Variants in HELB observed in about 807,000 individuals in gnomAD.
The protein encoded by HELB is DNA helicase B.
HELB carries 96 observed loss-of-function variants against 101.7 expected under a neutral mutation model. The ratio of observed to expected loss-of-function variants is 0.94; its 90% confidence interval spans 0.80 to 1.12. The LOEUF is 1.12. Ranked by LOEUF, HELB falls within the 50% of genes most tolerant of loss-of-function variation. The pLI, the probability that HELB is intolerant of heterozygous loss-of-function variation, is 0.00. For missense variants in HELB, 1,210 were observed against 1,291.9 expected (o/e 0.94, Z 0.97); for synonymous variants, 437 against 459.7 (o/e 0.95, Z 0.63).
At chr12:66,336,879 T>C (rs2053871562) in intron 12 of HELB, among the ~76,000 whole-genome samples, 1 of 152,192 alleles carries the variant, frequency 6.6e-6, no homozygotes, top group Non-Finnish European at 1.5e-5. Context: ...TTGAAATTTA[T>C]GATGGTGATA....
intron 7 of HELB, chr12:66,321,336 G>A (rs1226025181): frequency 6.6e-6 from 1 of 152,310 alleles, no homozygotes; most frequent in African/African-American, 2.4e-5. Flanking sequence ...TAGATCATGG[G>A]GAGGTCTGGG....
chr12:66,327,066 A>AAAT (rs2053749764), intron 11 of HELB, among the ~76,000 whole-genome samples: 22 of 46,790 alleles, frequency 4.7e-4, no homozygotes, highest in Admixed American at 7.8e-4. Context: ...AAAAAAAAAA[A>AAAT]ATATATATAT....
At chr12:66,303,183 A>G (rs976510611) in intron 1 of HELB, among the ~76,000 whole-genome samples, 1 of 151,310 alleles carries the variant, frequency 6.6e-6, no homozygotes. Context: ...GCTTAAGGAA[A>G]CAGTGGATGT....
At position 66,334,524 on chromosome 12, in the gene HELB, T is replaced by C. The variant is rs531659077; in HGVS notation, c.3162+2879T>C. ...GCACAGTGGCTCACACCTGTAATCC[T>C]AGCTCTTTGGGAGGCCAAGGTGGGC... is the stretch of plus-strand genomic sequence containing the variant. On this transcript the variant is annotated intron_variant, in intron 12 of 12. Transcript: ENST00000247815. Among the ~76,000 whole-genome samples, 936 of 147,000 alleles carry C rather than the reference T, an allele frequency of 6.4e-3. 17 individuals carry two copies. The highest frequency in any genetic ancestry group is 0.023 in the African/African-American group (905 of 39,812).
rs762298939 is a variant in HELB at position 66,322,794 on chromosome 12, T to A, written c.2297+11T>A. On this transcript the variant is annotated intron_variant, in intron 9 of 12. Transcript: ENST00000247815. ...AGGCCACCTCACCAAGTGAGTGTCTTCGAGAACTGAAACTTTTAAGGACAG... is the reference window on the plus strand; with the variant it reads ...AGGCCACCTCACCAAGTGAGTGTCTACGAGAACTGAAACTTTTAAGGACAG... The A allele has an allele frequency of 1.9e-6, 3 of 1,583,834 alleles. No homozygotes were observed. Among genetic ancestry groups the A allele is most frequent in the Non-Finnish European group, 2.6e-6 (3 of 1,159,140 alleles).
chr12:66,327,900 G>A (rs777528527), intron 11 of HELB, among the ~76,000 whole-genome samples: 5 of 152,152 alleles, frequency 3.3e-5, no homozygotes, highest in Admixed American at 1.3e-4. Flanking sequence ...ATAGAATGTC[G>A]ATATAAGCCT....
At chr12:66,330,547 GTATC>G (rs926738769) in intron 11 of HELB, among the ~76,000 whole-genome samples, 11 of 149,324 alleles carry the variant, frequency 7.4e-5, no homozygotes, top group African/African-American at 2.0e-4. Flanking sequence ...ATGTGTGTGT[GTATC>G]TATCTATCTG....
At chr12:66,326,516 C>T (rs2053739463) in intron 11 of HELB, among the ~76,000 whole-genome samples, 2 of 151,924 alleles carry the variant, frequency 1.3e-5, no homozygotes, top group African/African-American at 4.8e-5. Flanking sequence ...GCTGGGATTA[C>T]AGGCCTGAGC....
chr12:66,311,221 G>A (rs2053541355), intron 4 of HELB, among the ~76,000 whole-genome samples: 1 of 151,966 alleles, frequency 6.6e-6, no homozygotes. Context: ...AGCACTTTGG[G>A]AGGCCAAGGT....
rs1333406573 is a variant in HELB at position 66,310,492 on chromosome 12, G to A, written c.1564G>A (p.Glu522Lys). The stretch of plus-strand genomic sequence containing the variant: ...TTCAGAAGAATGGATTACCTTTACT[G>A]AGCAAAGTCAACTAGAGGCGGACAA... ...NASEEWITFT[E>K]QSQLEADKAI... is the part of the protein sequence containing the mutation. Residue 522 changes from glutamate to lysine, a missense_variant, in exon 4 of 13, where the codon GAG becomes AAG. By Grantham distance (56) the Glu-to-Lys change is moderately conservative (BLOSUM62 1). Around this residue, in one of 2 missense-constraint regions of HELB, gnomAD observed 740 missense variants for 728.8 expected, o/e 1.02. Transcript: ENST00000247815. 2 of 1,613,946 alleles carry A rather than the reference G, an allele frequency of 1.2e-6. No homozygotes were observed. The highest frequency in any genetic ancestry group is 1.1e-5 in the South Asian group (1 of 91,078).
intron 4 of HELB, among the ~76,000 whole-genome samples, chr12:66,311,230 G>A (rs757454958): frequency 4.2e-4 from 64 of 151,964 alleles, no homozygotes; most frequent in Non-Finnish European, 1.6e-4. Flanking sequence ...GGAGGCCAAG[G>A]TGGGAGGATC....
intron 11 of HELB, among the ~76,000 whole-genome samples, chr12:66,326,301 GGC>G (rs1395899923): frequency 1.3e-5 from 2 of 151,806 alleles, no homozygotes; most frequent in Non-Finnish European, 2.9e-5. Context: ...GGAGTGCAGT[GGC>G]GCGATCTTGG....
chr12:66,318,593 T>C, intron 6 of HELB, 45 bp from the exon 7 acceptor site: 1 of 1,539,076 alleles, frequency 6.5e-7, no homozygotes, highest in Non-Finnish European at 8.7e-7. Context: ...GAAGACATTT[T>C]TGGATGATAA....
At chr12:66,318,828 A>G (rs375594983) in intron 7 of HELB, 36 bp downstream of exon 7, 40 of 1,500,986 alleles carry the variant, frequency 2.7e-5, no homozygotes, top group Non-Finnish European at 3.6e-5. Context: ...AGAGTTAAGT[A>G]TAACTATTTA....
chr12:66,324,851 C>A, intron 10 of HELB, 132 bp from the exon 11 acceptor site: 1 of 1,075,740 alleles, frequency 9.3e-7, no homozygotes, highest in South Asian at 1.4e-5. Context: ...AAATTTTAAG[C>A]CTTTTGAAAT....
At position 66,315,289 on chromosome 12, in the gene HELB, G is replaced by A. The variant is rs769466347; in HGVS notation, c.1906G>A (p.Asp636Asn). The change falls in exon 6 of 13, where the codon GAT (aspartate) becomes AAT (asparagine). Residue 636 changes from aspartate (D) to asparagine (N), a missense_variant. Coordinates refer to ENST00000247815, the MANE Select transcript of HELB (RefSeq NM_001370285.1). Reference protein sequence around the residue: ...PSIEPGNLLKDLFETLKSRNC... With the variant: ...PSIEPGNLLKNLFETLKSRNC... Reference sequence around the variant, plus strand: ...TATTGAACCTGGTAACTTGCTGAAAGATCTTTTTGAGACTCTTAAGTCAAG... The same window carrying A: ...TATTGAACCTGGTAACTTGCTGAAAAATCTTTTTGAGACTCTTAAGTCAAG... The A allele has an allele frequency of 6.2e-7, 1 of 1,608,590 alleles. No homozygotes were observed. The highest frequency in any genetic ancestry group is 2.2e-5 in the East Asian group (1 of 44,562).
chr12:66,341,105 T>G (rs753453606), downstream of HELB: 1 of 152,664 alleles, frequency 6.6e-6, no homozygotes, highest in Non-Finnish European at 1.5e-5. Flanking sequence ...AGTCCAAGTC[T>G]GAAAGCCTCA....
chr12:66,321,704 G>C, intron 7 of HELB: 1 of 410,692 alleles, frequency 2.4e-6, no homozygotes, highest in South Asian at 2.3e-5. Context: ...ATGGGGAACT[G>C]TCCTGGCCAG....
intron 3 of HELB, among the ~76,000 whole-genome samples, chr12:66,309,419 G>A (rs2053513760): frequency 6.6e-6 from 1 of 152,084 alleles, no homozygotes; most frequent in East Asian, 1.9e-4. Context: ...GCCTTTAGAA[G>A]GCATGAGAAG....
Sources: gnomAD v4.1 joint callset for allele counts (sites outside exome capture counted in the v4.1 genomes callset) on GRCh38, gnomAD v4.1.1 for gene constraint, gnomAD v4.1.1 regional missense constraint, MANE v1.5 for transcripts, NCBI Gene and HGNC (gene_info 2026-07-23, HGNC 2026-07-21) for gene names.